MYO18A: variants seen among roughly 807,000 people sequenced by gnomAD.
The protein encoded by MYO18A is unconventional myosin-XVIIIa.
In MYO18A, 78 loss-of-function variants were observed where a neutral mutation model predicts 235.8. The observed-to-expected ratio is 0.33, with a 90% CI of 0.28 to 0.40. MYO18A has a LOEUF of 0.40. MYO18A is among the 10% of genes least tolerant of loss of function. The probability of loss-of-function intolerance (pLI) is 1.00; values close to 1 mark genes in which losing one functional copy is unlikely to be tolerated. For missense variants in MYO18A, 2,215 were observed against 2,699.3 expected, an observed-to-expected ratio of 0.82 and a Z score of 3.98; for synonymous variants, 977 against 1,077.8, an observed-to-expected ratio of 0.91 and a Z score of 1.83.
At chr17:29,173,781 T>A (rs1013184412) in intron 1 of MYO18A, among the ~76,000 whole-genome samples, 8 of 151,938 alleles carry the variant, frequency 5.3e-5, no homozygotes, top group Non-Finnish European at 1.0e-4. Flanking sequence ...AAAAAAAAAA[T>A]TTTTTTAAGA....
At position 29,114,037 on chromosome 17, in the gene MYO18A, C is replaced by A; in HGVS notation, c.2572G>T (p.Val858Leu). Reference sequence around the variant, plus strand: ...AGGGACTGATGGGAGGCCTGGTCCACAGCAGCCACAGAGTCATCCGTCGGG... The same window carrying A: ...AGGGACTGATGGGAGGCCTGGTCCAAAGCAGCCACAGAGTCATCCGTCGGG... ...EPPTDDSVAA[V>L]DQASHQSLVR... The change falls in exon 15 of 42, where the codon GTG becomes TTG. Residue 858 changes from valine to leucine, a missense_variant. Physicochemically the swap from Val to Leu is conservative, Grantham distance 32. Coordinates refer to ENST00000527372, the MANE Select transcript of MYO18A (RefSeq NM_078471.4). The A allele has an allele frequency of 6.2e-7, 1 of 1,601,444 alleles. No homozygotes were observed. Among genetic ancestry groups the A allele is most frequent in the Admixed American group, 1.7e-5 (1 of 58,404 alleles).
chr17:29,149,451 G>A (rs2067923159), intron 2 of MYO18A, among the ~76,000 whole-genome samples: 1 of 152,176 alleles, frequency 6.6e-6, no homozygotes, highest in East Asian at 1.9e-4. Flanking sequence ...CCCAGAGGTG[G>A]TCGCCGAGGC....
At chr17:29,113,439 A>G (rs2066982374) in intron 15 of MYO18A, among the ~76,000 whole-genome samples, 1 of 152,202 alleles carries the variant, frequency 6.6e-6, no homozygotes, top group Non-Finnish European at 1.5e-5. Context: ...GGACACTAGC[A>G]CAAAGGGTGA....
In MYO18A at chr17:29,072,773, T is replaced by C. The variant is rs944282097; in HGVS notation, c.*1997A>G. On this transcript the variant is annotated 3_prime_UTR_variant, in exon 42 of 42. Transcript: ENST00000527372. ...CCATCTGTCCAAACTACTTTATTCA[T>C]TCAGGGATTATAACTGGCCACACTA... is the stretch of plus-strand genomic sequence containing the variant. The C allele has an allele frequency of 6.6e-6, 1 of 152,190 alleles. No individual in the cohort carries two copies. The highest frequency in any genetic ancestry group is 1.5e-5 in the Non-Finnish European group (1 of 68,046). The allele number at this position is 152,190 out of a possible 1,614,324, so 9.4% of individuals were successfully genotyped here. A position where few individuals can be genotyped will look rare whatever the true frequency, so the allele number is the denominator to read the frequency against.
chr17:29,109,785 A>C lies in MYO18A; in HGVS notation c.3331+73T>G. On this transcript the variant is annotated intron_variant, in intron 19 of 41. Transcript: ENST00000527372. This position sits in a 1 kb window ranked among gnomAD's most constrained non-coding sequence, Gnocchi z 4.1. ...AGCCCCACTGCAGCCCACGGGTCGC[A>C]GGTGGGAGGTGGGGCCGGGCAGGGC... 2 of 1,510,304 alleles carry C rather than the reference A, an allele frequency of 1.3e-6. No homozygotes were observed. The highest frequency in any genetic ancestry group is 8.9e-7 in the Non-Finnish European group (1 of 1,117,986). 93.6% of individuals were successfully genotyped at this position (1,510,304 alleles called of 1,614,324 possible). A position where few individuals can be genotyped will look rare whatever the true frequency, so the allele number is the denominator to read the frequency against.
rs1204996356 is a variant in MYO18A, at chr17:29,158,238, C to T, written c.999+7704G>A. Among the ~76,000 whole-genome samples the T allele has an allele frequency of 6.6e-6, 1 of 152,194 alleles. No individual in the cohort carries two copies. The highest frequency in any genetic ancestry group is 1.5e-5 in the Non-Finnish European group (1 of 68,030). On this transcript the variant is annotated intron_variant, in intron 2 of 41. Transcript: ENST00000527372. This position sits in a 1 kb window ranked among gnomAD's most constrained non-coding sequence, Gnocchi z 4.3. ...CTGGCCCAGAGTCTGTGCAAAGCAA[C>T]CGGGCTGAGTCGCACCAGGGCAGAA...
chr17:29,079,813 G>C (rs546829531), intron 41 of MYO18A: 1 of 985,952 alleles, frequency 1.0e-6, no homozygotes, highest in Non-Finnish European at 1.2e-6. Context: ...CTTCCTCGAC[G>C]GCCGGTGCGT....
rs1053419472 is a variant in MYO18A, at chr17:29,119,379, G to C, written c.1785C>G (p.Phe595Leu). ...AGGCCAGCAGGTAGTAGAAGACGTT[G>C]AATGTGGCTTCACTGGCTGGGCGCC... Reference protein sequence around the residue: ...VARRPASEATFNVFYYLLACG... With the variant: ...VARRPASEATLNVFYYLLACG... The change falls in exon 8 of 42, where the codon TTC becomes TTG. Residue 595 changes from phenylalanine to leucine, a missense_variant. By Grantham distance (22) the Phe-to-Leu change is conservative. Coordinates refer to ENST00000527372, the MANE Select transcript of MYO18A (RefSeq NM_078471.4). 1 of 1,612,942 alleles carries C rather than the reference G, an allele frequency of 6.2e-7. No homozygotes were observed. Among genetic ancestry groups the C allele is most frequent in the Non-Finnish European group, 8.5e-7 (1 of 1,179,590 alleles).
intron 11 of MYO18A, 45 bp from the exon 12 acceptor site, chr17:29,115,885 T>C (rs1453944692): frequency 1.3e-6 from 2 of 1,543,624 alleles, no homozygotes; most frequent in Non-Finnish European, 8.7e-7. Flanking sequence ...TCTTTTTCCT[T>C]AGGCCAGCTG....
In MYO18A at chr17:29,115,385, C is replaced by T. The variant is rs371143124; in HGVS notation, c.2284G>A (p.Glu762Lys). The change falls in exon 13 of 42, where the codon GAG becomes AAG. Residue 762 changes from glutamate (E) to lysine (K), a missense_variant. Transcript: ENST00000527372. ...AGGGAGACGAGAAGGGTGAAGAGCT[C>T]GCTGTAGAGGCCGGCCGCCATGCCC... ...LEGMAAGLYS[E>K]LFTLLVSLVN... 1.1e-5 allele frequency: 18 copies of T among 1,613,944 alleles called. No individual in the cohort carries two copies. The highest frequency in any genetic ancestry group is 1.7e-4 in the Middle Eastern group (1 of 6,060).
chr17:29,095,343 A>G (rs1402523278), intron 28 of MYO18A, among the ~76,000 whole-genome samples: 1 of 152,196 alleles, frequency 6.6e-6, no homozygotes, highest in Admixed American at 6.5e-5. Context: ...CCCCCTCAGG[A>G]GTTAAGTCTC....
At chr17:29,153,632 A>G (rs1268911951) in intron 2 of MYO18A, among the ~76,000 whole-genome samples, 1 of 150,164 alleles carries the variant, frequency 6.7e-6, no homozygotes, top group East Asian at 2.0e-4. Flanking sequence ...ACCACACACA[A>G]CTCCTCACCT....
chr17:29,080,223 C>T lies in MYO18A; in HGVS notation c.6020+2093G>A, dbSNP rs115204872. On this transcript the variant is annotated intron_variant, in intron 41 of 41. Coordinates refer to ENST00000527372, the MANE Select transcript of MYO18A (RefSeq NM_078471.4). ...CCTCGGAGTCGGGCTCCAGGCTGCT[C>T]CGCTGGAATGGAACAGGCTTGTAGC... 2.5e-4 allele frequency: 249 copies of T among 985,982 alleles called. No homozygotes were observed. In the African/African-American group the frequency reaches 3.9e-3, roughly 15 times the overall value. The allele number at this position is 985,982 out of a possible 1,614,324, so 61.1% of individuals were successfully genotyped here. A position where few individuals can be genotyped will look rare whatever the true frequency, so the allele number is the denominator to read the frequency against.
chr17:29,097,285 G>A lies in MYO18A; in HGVS notation c.4168C>T (p.Gln1390Ter). The A allele has an allele frequency of 1.2e-6, 2 of 1,611,364 alleles. No individual in the cohort carries two copies. Among genetic ancestry groups the A allele is most frequent in the Non-Finnish European group, 1.7e-6 (2 of 1,179,862 alleles). ...REVDFTKKRL[Q>*]QEFEDKLEVE... ...TCCAGCTTGTCCTCAAACTCCTGCTGGAGCCGTTTCTTGGTGAAGTCCACC... is the reference window on the plus strand; with the variant it reads ...TCCAGCTTGTCCTCAAACTCCTGCTAGAGCCGTTTCTTGGTGAAGTCCACC... Residue 1390 changes from glutamine to a stop codon, truncating the protein, a stop_gained, in exon 27 of 42, where the codon CAG becomes TAG. Coordinates refer to ENST00000527372, the MANE Select transcript of MYO18A (RefSeq NM_078471.4). LOFTEE classifies it high-confidence loss of function.
At chr17:29,091,019 T>A (rs1461132728) in intron 34 of MYO18A, 93 bp from the exon 35 acceptor site, 2 of 1,022,912 alleles carry the variant, frequency 2.0e-6, no homozygotes, top group South Asian at 2.8e-5. Context: ...GTAGAGAAGA[T>A]GATAATGGGC....
intron 41 of MYO18A, chr17:29,081,116 A>G: frequency 1.7e-6 from 1 of 581,904 alleles, no homozygotes. Context: ...GAATAAAGAC[A>G]CAGGGGGAGG....
rs1454657384 is a variant in MYO18A at position 29,110,495 on chromosome 17, T to C, written c.3028A>G (p.Thr1010Ala). The C allele has an allele frequency of 6.2e-7, 1 of 1,603,106 alleles. No individual in the cohort carries two copies. Among genetic ancestry groups the C allele is most frequent in the Non-Finnish European group, 8.5e-7 (1 of 1,175,238 alleles). The change falls in exon 18 of 42, where the codon ACC becomes GCC. Residue 1010 changes from threonine (T) to alanine (A), a missense_variant. Thr to Ala is a moderately conservative substitution (Grantham distance 58, BLOSUM62 0). Transcript: ENST00000527372. ...TTTTTGACAGCCGCCATGCCTGTGG[T>C]AAAGGTTTTCCGCATGCTGGTGGCC... ...RRATSMRKTF[T>A]TGMAAVKKKS...
intron 37 of MYO18A, 80 bp from the exon 38 acceptor site, chr17:29,087,201 G>A (rs1267780024): frequency 6.9e-7 from 1 of 1,446,270 alleles, no homozygotes; most frequent in East Asian, 2.3e-5. Context: ...AGAGCTCTGG[G>A]TGAGGAGGCC....
intron 2 of MYO18A, among the ~76,000 whole-genome samples, chr17:29,165,145 G>T (rs1421821266): frequency 6.6e-6 from 1 of 152,132 alleles, no homozygotes; most frequent in East Asian, 1.9e-4. Context: ...CTCACTCAGG[G>T]GCAAGAGGAG....
Sources: gnomAD v4.1 joint callset for allele counts (sites outside exome capture counted in the v4.1 genomes callset) on GRCh38, gnomAD v4.1.1 for gene constraint, Gnocchi (gnomAD v3.1) non-coding constraint, MANE v1.5 for transcripts, NCBI Gene and HGNC (gene_info 2026-07-23, HGNC 2026-07-21) for gene names.